SUGCT: variants seen among roughly 807,000 people sequenced by gnomAD.
The protein encoded by SUGCT is succinyl-CoA:glutarate CoA-transferase.
SUGCT carries 41 observed loss-of-function variants against 55.0 expected under a neutral mutation model. The ratio of observed to expected loss-of-function variants is 0.74; its 90% CI spans 0.58 to 0.97. The LOEUF is 0.97. Among genes scored for constraint, SUGCT ranks in the 50% least tolerant of loss-of-function variants. The pLI is 0.00. For missense variants in SUGCT, 568 were observed against 547.8 expected (o/e 1.04, Z -0.37); for synonymous variants, 187 against 200.4 (o/e 0.93, Z 0.56).
chr7:40,266,109 GA>G (rs1249092919), intron 7 of SUGCT, among the ~76,000 whole-genome samples: 1 of 150,992 alleles, frequency 6.6e-6, no homozygotes, highest in Non-Finnish European at 1.5e-5. Flanking sequence ...TTTAAAGAAG[GA>G]ATTTCAGGTT....
the SUGCT span, among the ~76,000 whole-genome samples, chr7:40,898,730 A>G: frequency 1.3e-5 from 2 of 152,062 alleles, no homozygotes; most frequent in East Asian, 3.9e-4. Flanking sequence ...CCACGAGGGT[A>G]CGCGGCTTCA....
At chr7:40,193,700 G>T (rs1292432581) in intron 5 of SUGCT, among the ~76,000 whole-genome samples, 1 of 151,666 alleles carries the variant, frequency 6.6e-6, no homozygotes, top group East Asian at 1.9e-4. Flanking sequence ...CCAGGTTCAA[G>T]TGATTCTTGT....
At chr7:40,566,433 C>A (rs1194522825) in intron 12 of SUGCT, among the ~76,000 whole-genome samples, 1 of 152,176 alleles carries the variant, frequency 6.6e-6, no homozygotes, top group Non-Finnish European at 1.5e-5. Context: ...GAATTTCTCT[C>A]TTACACTTTT....
chr7:40,137,514 T>C (rs1787759731), intron 1 of SUGCT, among the ~76,000 whole-genome samples: 1 of 152,172 alleles, frequency 6.6e-6, no homozygotes, highest in African/African-American at 2.4e-5. Flanking sequence ...AACCCATTTA[T>C]CTGTATAACT....
At position 40,236,442 on chromosome 7, in the gene SUGCT, C is replaced by CAAAAAAAAA. The variant is rs60720770; in HGVS notation, c.485-1184_485-1176dup. On this transcript the variant is annotated intron_variant, in intron 6 of 13. Coordinates refer to ENST00000335693, the MANE Select transcript of SUGCT (RefSeq NM_001193313.2). ...GTGTTCTGTTGATTCTTTCTGATGG[C>CAAAAAAAAA]AAAAAAAAAAAAAAAAATTTGACAC... 3.8e-4 allele frequency among the ~76,000 whole-genome samples: 34 copies of CAAAAAAAAA among 90,014 alleles called. 7 individuals are homozygous for CAAAAAAAAA. Among genetic ancestry groups the CAAAAAAAAA allele is most frequent in the Admixed American group, 9.7e-4 (8 of 8,266 alleles). 59.1% of individuals were successfully genotyped at this position (90,014 alleles called of 152,430 possible). A position where few individuals can be genotyped will look rare whatever the true frequency, so the allele number is the denominator to read the frequency against.
At chr7:40,884,237 T>A in the SUGCT span, among the ~76,000 whole-genome samples, 1 of 152,238 alleles carries the variant, frequency 6.6e-6, no homozygotes, top group African/African-American at 2.4e-5. Flanking sequence ...CCTCAGCTGC[T>A]GGCATAGTGG....
At chr7:40,350,250 G>T (rs2151196537) in intron 9 of SUGCT, among the ~76,000 whole-genome samples, 1 of 149,716 alleles carries the variant, frequency 6.7e-6, no homozygotes, top group East Asian at 2.0e-4. Context: ...TTCCTGTTTT[G>T]TAAGTGAATC....
At chr7:40,949,416 T>C in the SUGCT span, among the ~76,000 whole-genome samples, 1 of 152,170 alleles carries the variant, frequency 6.6e-6, no homozygotes, top group Non-Finnish European at 1.5e-5. Flanking sequence ...GCCTATTCAC[T>C]CTGATGGTAG....
intron 10 of SUGCT, among the ~76,000 whole-genome samples, chr7:40,450,394 C>A (rs1319772583): frequency 6.6e-6 from 1 of 151,298 alleles, no homozygotes; most frequent in African/African-American, 2.4e-5. Context: ...AAAGGCCTTA[C>A]CTGTTAAGGA....
At chr7:40,248,474 C>A (rs1335679529) in intron 7 of SUGCT, among the ~76,000 whole-genome samples, 1 of 152,140 alleles carries the variant, frequency 6.6e-6, no homozygotes, top group Non-Finnish European at 1.5e-5. Flanking sequence ...TCTTGCTGGG[C>A]ATTTAGTCTC....
intron 9 of SUGCT, among the ~76,000 whole-genome samples, chr7:40,388,641 C>T (rs1217855313): frequency 3.3e-5 from 5 of 152,124 alleles, no homozygotes; most frequent in Non-Finnish European, 7.3e-5. Flanking sequence ...GTCTTGAACT[C>T]CTGACTTAAA....
At chr7:40,391,466 G>C (rs1785424995) in intron 9 of SUGCT, among the ~76,000 whole-genome samples, 1 of 152,102 alleles carries the variant, frequency 6.6e-6, no homozygotes, top group Non-Finnish European at 1.5e-5. Context: ...ATCAAAAAGT[G>C]GGCAAAGGAT....
At chr7:40,839,390 G>A (rs1793162469) in intron 13 of SUGCT, among the ~76,000 whole-genome samples, 1 of 152,046 alleles carries the variant, frequency 6.6e-6, no homozygotes, top group Admixed American at 6.6e-5. Context: ...CTGTAAGCAT[G>A]TATCACCCTG....
chr7:40,194,973 T>C lies in SUGCT; in HGVS notation c.397T>C (p.Tyr133His), dbSNP rs775581234. Residue 133 changes from tyrosine to histidine, a missense_variant, in exon 6 of 14, where the codon TAT becomes CAT. Coordinates refer to ENST00000335693, the MANE Select transcript of SUGCT (RefSeq NM_001193313.2). ...TGTTTGTGATGTGTTTGTGGAAAAC[T>C]ATGTCCCTGGCAAACTGTCTGCAAT... ...AAVCDVFVEN[Y>H]VPGKLSAMGL... is the part of the protein sequence containing the mutation. 6.2e-7 allele frequency: 1 copy of C among 1,613,834 alleles called. No homozygotes were observed. The highest frequency in any genetic ancestry group is 8.5e-7 in the Non-Finnish European group (1 of 1,179,822).
At chr7:40,166,748 A>C (rs897294121) in intron 1 of SUGCT, among the ~76,000 whole-genome samples, 7 of 152,010 alleles carry the variant, frequency 4.6e-5, no homozygotes, top group Admixed American at 2.0e-4. Context: ...TTAGTCAGGC[A>C]TGGTGGTGGG....
intron 7 of SUGCT, among the ~76,000 whole-genome samples, chr7:40,248,892 A>G (rs1170791951): frequency 8.9e-5 from 11 of 123,432 alleles, no homozygotes; most frequent in East Asian, 2.9e-4. Context: ...GCGCTCGCAC[A>G]CACACACACA....
At chr7:40,926,099 TA>T in the SUGCT span, among the ~76,000 whole-genome samples, 503 of 145,912 alleles carry the variant, frequency 3.4e-3, 2 homozygotes, top group African/African-American at 0.01. Flanking sequence ...AGTTCCTGTT[TA>T]AAAAAAAAAA....
At chr7:40,329,895 A>G (rs1230314042) in intron 9 of SUGCT, among the ~76,000 whole-genome samples, 1 of 152,218 alleles carries the variant, frequency 6.6e-6, no homozygotes, top group Non-Finnish European at 1.5e-5. Flanking sequence ...AGGTAAAACT[A>G]TCATTCTCTA....
chr7:40,955,779 C>T, the SUGCT span, among the ~76,000 whole-genome samples: 1 of 152,048 alleles, frequency 6.6e-6, no homozygotes, highest in African/African-American at 2.4e-5. Flanking sequence ...TCATAAATAG[C>T]TCTTATTATT....
Sources: gnomAD v4.1 joint callset for allele counts (sites outside exome capture counted in the v4.1 genomes callset) on GRCh38, gnomAD v4.1.1 for gene constraint, MANE v1.5 for transcripts, NCBI Gene and HGNC (gene_info 2026-07-23, HGNC 2026-07-21) for gene names.